The following SSBP3 variants were observed in gnomAD, a reference collection of about 807,000 sequenced individuals.
The protein encoded by SSBP3 is single stranded DNA binding protein 3.
A neutral mutation model predicts 69.6 loss-of-function variants in SSBP3; 5 were observed. The ratio of observed to expected loss-of-function variants is 0.07; its 90% CI spans 0.04 to 0.15. The LOEUF is 0.15. SSBP3 is among the 10% of genes least tolerant of loss of function. The pLI, the probability that SSBP3 is intolerant of heterozygous loss-of-function variation, is 1.00. For synonymous variants in SSBP3, 196 were observed against 193.4 expected (o/e 1.01, Z -0.11); for missense variants, 312 against 534.0 (o/e 0.58, Z 4.10).
intron 4 of SSBP3, 83 bp downstream of exon 4, chr1:54,401,778 T>TG: frequency 8.5e-7 from 1 of 1,171,808 alleles, no homozygotes; most frequent in African/African-American, 1.5e-5. Context: ...CACTGCGAAC[T>TG]GGCTGTGTTT....
intron 5 of SSBP3, among the ~76,000 whole-genome samples, chr1:54,274,884 C>T (rs545254878): frequency 1.4e-4 from 21 of 152,236 alleles, no homozygotes; most frequent in Non-Finnish European, 2.6e-4. Context: ...CCAAACTTGC[C>T]CCATCACATC....
Position 54,236,334 on chromosome 1 carries a change from C to CTT in SSBP3, c.927+2793_927+2794dup, listed in dbSNP as rs755743293. 3.9e-5 allele frequency: 6 copies of CTT among 152,302 alleles called. 1 individual carries two copies. Among genetic ancestry groups the CTT allele is most frequent in the African/African-American group, 1.4e-4 (6 of 41,568 alleles). The allele number at this position is 152,302 out of a possible 1,614,324, so 9.4% of individuals were successfully genotyped here. On this transcript the variant is annotated intron_variant, in intron 14 of 17. Coordinates refer to ENST00000610401, the Ensembl canonical transcript of SSBP3. ...GTTTTACTATGTTTGCCAGGCTGGT[C>CTT]TTTAACTCCCGACGGACCCCAAGTG...
In SSBP3 at chr1:54,316,657, AAATAAAATAAATAAATAAAT is replaced by A. The variant is rs1398948038; in HGVS notation, c.277-35150_277-35131del. Among the ~76,000 whole-genome samples, 17 of 37,924 alleles carry A rather than the reference AAATAAAATAAATAAATAAAT, an allele frequency of 4.5e-4. 1 individual carries two copies. The highest frequency in any genetic ancestry group is 1.5e-3 in the African/African-American group (12 of 8,110). 24.9% of individuals were successfully genotyped at this position (37,924 alleles called of 152,430 possible). ...AGCGAGACTCCGTCTCAAAAAAAAAAAATAAAATAAATAAATAAATAAATAAATAAATAAATAAATAAATA... is the reference window on the plus strand; with the variant it reads ...AGCGAGACTCCGTCTCAAAAAAAAAAAAATAAATAAATAAATAAATAAATA... On this transcript the variant is annotated intron_variant, in intron 4 of 17. Coordinates refer to ENST00000610401, the Ensembl canonical transcript of SSBP3.
intron 14 of SSBP3, chr1:54,238,084 G>A (rs1644530632): frequency 2.2e-6 from 1 of 457,558 alleles, no homozygotes; most frequent in South Asian, 1.6e-5. Flanking sequence ...GCTTTTTAGT[G>A]TTAAAAGCCA....
rs11586754 is a variant in SSBP3, at chr1:54,360,870, G to A, written c.276+40991C>T. ...TGAGGCAGGAGGACCACTTGAGGCC[G>A]GGAGTTTGAGACCAGCCTGGACAAC... On this transcript the variant is annotated intron_variant, in intron 4 of 17. Transcript: ENST00000610401. 9.9e-5 allele frequency among the ~76,000 whole-genome samples: 15 copies of A among 151,662 alleles called. No individual in the cohort carries two copies. In the South Asian group the frequency reaches 1.5e-3, roughly 15 times the overall value.
chr1:54,315,677 A>G (rs1240044473), intron 4 of SSBP3, among the ~76,000 whole-genome samples: 1 of 151,552 alleles, frequency 6.6e-6, no homozygotes, highest in African/African-American at 2.4e-5. Flanking sequence ...TAATTTTTCT[A>G]AAGACAGGGT....
intron 1 of SSBP3, chr1:54,413,235 C>A (rs1650037436): frequency 6.6e-6 from 1 of 152,194 alleles, no homozygotes; most frequent in Non-Finnish European, 1.5e-5. Flanking sequence ...TTAACGGATT[C>A]TTTTTTCTCC....
chr1:54,241,302 G>A (rs779577677), intron 12 of SSBP3, among the ~76,000 whole-genome samples, 172 bp downstream of exon 12: 2 of 152,168 alleles, frequency 1.3e-5, no homozygotes, highest in Non-Finnish European at 2.9e-5. Flanking sequence ...GGGATTTCTG[G>A]GCCACCTTGG....
At chr1:54,257,720 G>A (rs981214262) in intron 6 of SSBP3, among the ~76,000 whole-genome samples, 2 of 152,116 alleles carry the variant, frequency 1.3e-5, no homozygotes, top group Admixed American at 1.3e-4. Context: ...TCAGCAGCAC[G>A]AGTGCACAAA....
chr1:54,319,418 C>T (rs184271088), intron 4 of SSBP3, among the ~76,000 whole-genome samples: 19 of 152,248 alleles, frequency 1.2e-4, no homozygotes, highest in African/African-American at 4.6e-4. Context: ...AGGTCTACAC[C>T]TGGCACTATG....
intron 4 of SSBP3, among the ~76,000 whole-genome samples, chr1:54,308,081 A>G (rs376750745): frequency 1.1e-4 from 16 of 152,214 alleles, no homozygotes; most frequent in Non-Finnish European, 2.2e-4. Flanking sequence ...GTGCTTATAG[A>G]ATCCATTAAG....
exon 15 of SSBP3, chr1:54,228,803 G>A (rs765964175): frequency 1.9e-5 from 30 of 1,611,674 alleles, no homozygotes; most frequent in South Asian, 9.9e-5. Context: ...CCATCGGACC[G>A]TCCGAGCCGG....
intron 4 of SSBP3, among the ~76,000 whole-genome samples, chr1:54,384,210 A>G (rs1647906205): frequency 6.6e-6 from 1 of 152,226 alleles, no homozygotes; most frequent in East Asian, 1.9e-4. Context: ...AACTGAACAG[A>G]GAGCATTTTC....
chr1:54,242,300 G>A lies in SSBP3; in HGVS notation c.717-88C>T, dbSNP rs1644653696. Reference sequence around the variant, plus strand: ...GCAGCAGGGGCAGAAGGAAAGGGCTGAAATCACAACAGGAAGTCCTTCCTA... The same window carrying A: ...GCAGCAGGGGCAGAAGGAAAGGGCTAAAATCACAACAGGAAGTCCTTCCTA... On this transcript the variant is annotated intron_variant, in intron 10 of 17. Coordinates refer to ENST00000610401, the Ensembl canonical transcript of SSBP3. 10 of 1,498,960 alleles carry A rather than the reference G, an allele frequency of 6.7e-6. No individual in the cohort carries two copies. In the East Asian group the frequency reaches 2.3e-4, roughly 34 times the overall value. 92.9% of individuals were successfully genotyped at this position (1,498,960 alleles called of 1,614,324 possible).
chr1:54,406,369 G>A (rs970806547), exon 1 of SSBP3: 34 of 156,758 alleles, frequency 2.2e-4, no homozygotes, highest in Non-Finnish European at 3.9e-4. Flanking sequence ...CGCTGCCGCC[G>A]CCGCCGCCGC....
intron 4 of SSBP3, among the ~76,000 whole-genome samples, chr1:54,315,440 G>A (rs1253661728): frequency 6.6e-6 from 1 of 152,128 alleles, no homozygotes; most frequent in Non-Finnish European, 1.5e-5. Flanking sequence ...GTTTGGTACA[G>A]AAAGTAGAAA....
At chr1:54,381,863 G>A (rs1361936036) in intron 4 of SSBP3, among the ~76,000 whole-genome samples, 1 of 152,254 alleles carries the variant, frequency 6.6e-6, no homozygotes, top group African/African-American at 2.4e-5. Flanking sequence ...TAGGGGACAA[G>A]TCAGCTGGAA....
intron 4 of SSBP3, among the ~76,000 whole-genome samples, chr1:54,304,086 A>C (rs1230330653): frequency 1.3e-5 from 2 of 152,150 alleles, no homozygotes; most frequent in East Asian, 3.9e-4. Flanking sequence ...GGGAAACTTG[A>C]ACCAAGATGT....
intron 4 of SSBP3, among the ~76,000 whole-genome samples, chr1:54,329,371 G>C (rs1427714396): frequency 6.6e-6 from 1 of 152,250 alleles, no homozygotes; most frequent in Non-Finnish European, 1.5e-5. Flanking sequence ...AGGCATGTTA[G>C]ATCAGGGACA....
Sources: gnomAD v4.1 joint callset for allele counts (sites outside exome capture counted in the v4.1 genomes callset) on GRCh38, gnomAD v4.1.1 for gene constraint, MANE v1.5 for transcripts, NCBI Gene and HGNC (gene_info 2026-07-23, HGNC 2026-07-21) for gene names.